Variants in FGF14 observed in about 807,000 individuals in gnomAD.
FGF14 encodes the protein fibroblast growth factor 14, also known as fibroblast growth factor homologous factor 4.
A neutral mutation model predicts 25.5 loss-of-function variants in FGF14; 5 were observed. The observed-to-expected ratio is 0.20, with a 90% confidence interval of 0.10 to 0.41. The LOEUF (loss-of-function observed/expected upper bound fraction) is 0.41, where lower values mean the gene tolerates loss of function less well. FGF14 is among the 10% of genes least tolerant of loss of function. FGF14 has a pLI of 1.00. For synonymous variants in FGF14, 138 were observed against 118.3 expected (o/e 1.17, Z -1.08); for missense variants, 222 against 320.1 (o/e 0.69, Z 2.34).
chr13:102,011,812 A>G (rs2040096421), intron 1 of FGF14, among the ~76,000 whole-genome samples: 1 of 152,200 alleles, frequency 6.6e-6, no homozygotes, highest in South Asian at 2.1e-4. Flanking sequence ...TAATGATTCT[A>G]TAAATACTGA....
chr13:101,973,046 C>A (rs1244443408), intron 1 of FGF14, among the ~76,000 whole-genome samples: 3 of 151,592 alleles, frequency 2.0e-5, no homozygotes, highest in Non-Finnish European at 2.9e-5. Context: ...GCCTCCTTCA[C>A]TTAAAAAGAA....
intron 3 of FGF14, among the ~76,000 whole-genome samples, chr13:101,798,534 G>A (rs1287668021): frequency 6.6e-6 from 1 of 152,066 alleles, no homozygotes; most frequent in Admixed American, 6.6e-5. Flanking sequence ...AAACTGAATA[G>A]CACTCTTCCA....
At chr13:102,093,063 A>G (rs1249468425) in intron 1 of FGF14, among the ~76,000 whole-genome samples, 1 of 152,220 alleles carries the variant, frequency 6.6e-6, no homozygotes, top group African/African-American at 2.4e-5. Flanking sequence ...ACAACCCTTG[A>G]ACAACACGGT....
At chr13:101,899,265 T>C (rs1265930488) in intron 1 of FGF14, among the ~76,000 whole-genome samples, 1 of 151,992 alleles carries the variant, frequency 6.6e-6, no homozygotes, top group East Asian at 1.9e-4. Context: ...CTTTCTAAAA[T>C]GTCCAACACT....
intron 1 of FGF14, among the ~76,000 whole-genome samples, chr13:102,027,624 G>A (rs997628177): frequency 1.3e-5 from 2 of 152,014 alleles, no homozygotes; most frequent in African/African-American, 4.8e-5. Flanking sequence ...AAACTTTTTA[G>A]AAAATTCTAG....
rs561158816 is a variant in FGF14, at chr13:101,820,021, T to C, written c.408+48704A>G. Among the ~76,000 whole-genome samples, 208 of 152,332 alleles carry C rather than the reference T, an allele frequency of 1.4e-3. 1 individual carries two copies. Among genetic ancestry groups the C allele is most frequent in the Non-Finnish European group, 2.1e-3 (145 of 68,030 alleles). ...TTTGGAAAATCAGCTTTCCTAGCTA[T>C]TTCTTGGCTGACAGCAGGTAAAAAG... On this transcript the variant is annotated intron_variant, in intron 3 of 4. Transcript: ENST00000376143.
chr13:101,880,393 C>A (rs1319521323), intron 1 of FGF14, among the ~76,000 whole-genome samples: 2 of 152,040 alleles, frequency 1.3e-5, no homozygotes, highest in African/African-American at 2.4e-5. Context: ...CATGGAGAAA[C>A]CCCATCTCTA....
chr13:101,715,393 A>T lies in FGF14; in HGVS notation c.*7438T>A. The T allele has an allele frequency of 1.6e-6, 1 of 606,528 alleles. No homozygotes were observed. The highest frequency in any genetic ancestry group is 2.8e-5 in the Admixed American group (1 of 35,528). The allele number at this position is 606,528 out of a possible 1,614,324, so 37.6% of individuals were successfully genotyped here. A position where few individuals can be genotyped will look rare whatever the true frequency, so the allele number is the denominator to read the frequency against. Reference sequence around the variant, plus strand: ...TGCCACTAATTGTTTGAAAGATTAGATGTCTCGCAGCTGCTTAATAAGATG... The same window carrying T: ...TGCCACTAATTGTTTGAAAGATTAGTTGTCTCGCAGCTGCTTAATAAGATG... On this transcript the variant is annotated 3_prime_UTR_variant, in exon 5 of 5. Transcript: ENST00000376143.
intron 1 of FGF14, among the ~76,000 whole-genome samples, chr13:101,975,379 C>A (rs1453872879): frequency 1.3e-5 from 2 of 152,146 alleles, no homozygotes; most frequent in Admixed American, 1.3e-4. Context: ...CCTGACCCCC[C>A]ACCATGAACA....
chr13:102,300,926 C>CACACACACACAT (rs1198776391), intron 1 of FGF14, among the ~76,000 whole-genome samples: 1 of 84,870 alleles, frequency 1.2e-5, no homozygotes, highest in Non-Finnish European at 2.4e-5. Context: ...CACAGACACA[C>CACACACACACAT]ACACACACAC....
chr13:101,945,913 A>T (rs2035775529), intron 1 of FGF14, among the ~76,000 whole-genome samples: 1 of 151,996 alleles, frequency 6.6e-6, no homozygotes, highest in African/African-American at 2.4e-5. Flanking sequence ...TCTCTTATTT[A>T]TAGACTGTTT....
chr13:101,800,168 T>C (rs1384856113), intron 3 of FGF14, among the ~76,000 whole-genome samples: 1 of 152,136 alleles, frequency 6.6e-6, no homozygotes, highest in Non-Finnish European at 1.5e-5. Context: ...GGGTTGTGTG[T>C]CAGCTGAAAA....
chr13:102,106,194 T>G (rs780739966), intron 1 of FGF14, among the ~76,000 whole-genome samples: 11 of 152,140 alleles, frequency 7.2e-5, no homozygotes, highest in Non-Finnish European at 1.5e-4. Context: ...TAGTGCTGAG[T>G]GATTGCTACT....
chr13:102,182,112 G>T (rs1166195996), intron 1 of FGF14, among the ~76,000 whole-genome samples: 35 of 152,092 alleles, frequency 2.3e-4, no homozygotes, highest in Admixed American at 2.2e-3. Context: ...ATCCAGGTGG[G>T]CCCAGTGTAA....
intron 3 of FGF14, among the ~76,000 whole-genome samples, chr13:101,795,749 C>A (rs1307640353): frequency 6.6e-6 from 1 of 152,134 alleles, no homozygotes; most frequent in African/African-American, 2.4e-5. Flanking sequence ...GATGCACACA[C>A]AATCACGGTA....
intron 1 of FGF14, among the ~76,000 whole-genome samples, chr13:102,227,078 G>A (rs1253072489): frequency 6.6e-6 from 1 of 151,792 alleles, no homozygotes; most frequent in Non-Finnish European, 1.5e-5. Context: ...TCTAGTCCTG[G>A]CCATTTTTCT....
intron 1 of FGF14, among the ~76,000 whole-genome samples, chr13:102,189,726 C>T (rs905250052): frequency 2.0e-5 from 3 of 152,050 alleles, no homozygotes; most frequent in Admixed American, 6.6e-5. Context: ...TTATTTGGCT[C>T]ATGGTTCTGC....
intron 1 of FGF14, among the ~76,000 whole-genome samples, chr13:102,234,174 A>T (rs1348814121): frequency 1.3e-5 from 2 of 152,138 alleles, no homozygotes; most frequent in African/African-American, 4.8e-5. Context: ...CATACCACAG[A>T]AACATACACT....
chr13:102,082,834 T>C (rs1289032065), intron 1 of FGF14, among the ~76,000 whole-genome samples: 1 of 150,736 alleles, frequency 6.6e-6, no homozygotes, highest in Admixed American at 6.6e-5. Flanking sequence ...GGCGGGCGCC[T>C]GTAGTCCCAG....
Sources: gnomAD v4.1 joint callset for allele counts (sites outside exome capture counted in the v4.1 genomes callset) on GRCh38, gnomAD v4.1.1 for gene constraint, MANE v1.5 for transcripts, NCBI Gene and HGNC (gene_info 2026-07-23, HGNC 2026-07-21) for gene names.